Variants in SPSB4 observed in about 807,000 individuals in gnomAD.
SPSB4 encodes SPRY domain-containing SOCS box protein 4.
SPSB4 carries 21 observed loss-of-function variants against 20.9 expected under a neutral mutation model. The observed-to-expected ratio is 1.01, with a 90% CI of 0.71 to 1.45. The LOEUF (loss-of-function observed/expected upper bound fraction) is 1.45, where lower values mean the gene tolerates loss of function less well. Ranked by LOEUF, SPSB4 falls within the 40% of genes most tolerant of loss-of-function variation. SPSB4 has a pLI of 0.00. For missense variants in SPSB4, 399 were observed against 399.2 expected, an observed-to-expected ratio of 1.00 and a Z score of 0.00; for synonymous variants, 207 against 183.8, an observed-to-expected ratio of 1.13 and a Z score of -1.02.
At chr3:141,119,892 G>A (rs1054964228) in intron 2 of SPSB4, among the ~76,000 whole-genome samples, 3 of 151,822 alleles carry the variant, frequency 2.0e-5, no homozygotes, top group African/African-American at 4.8e-5. Context: ...TTTTTGAAGT[G>A]TTTTTTTGTG....
intron 2 of SPSB4, among the ~76,000 whole-genome samples, chr3:141,093,074 G>T (rs1267216399): frequency 2.0e-5 from 3 of 152,252 alleles, no homozygotes; most frequent in Non-Finnish European, 4.4e-5. Context: ...GAGACCGCAT[G>T]ACAGGAAAAG....
intron 2 of SPSB4, among the ~76,000 whole-genome samples, chr3:141,121,098 G>A (rs1336278186): frequency 1.3e-5 from 2 of 151,444 alleles, no homozygotes; most frequent in African/African-American, 4.9e-5. Context: ...CTCTTTTAGG[G>A]CAGGCCTGGT....
chr3:141,086,068 C>G (rs76248437), intron 2 of SPSB4, among the ~76,000 whole-genome samples: 1 of 152,198 alleles, frequency 6.6e-6, no homozygotes, highest in Non-Finnish European at 1.5e-5. Flanking sequence ...AATGTAGCTG[C>G]AGCCTCATCC....
intron 2 of SPSB4, among the ~76,000 whole-genome samples, chr3:141,135,864 G>A (rs1345406930): frequency 1.3e-5 from 2 of 152,238 alleles, no homozygotes; most frequent in South Asian, 4.1e-4. Flanking sequence ...ACCCAGTAAT[G>A]GGATGGCTGG....
intron 1 of SPSB4, among the ~76,000 whole-genome samples, chr3:141,054,655 T>C (rs1170702043): frequency 2.0e-5 from 3 of 152,240 alleles, no homozygotes; most frequent in Non-Finnish European, 2.9e-5. Context: ...GCTTCACACA[T>C]TGAGTTCAGA....
chr3:141,142,644 A>C (rs1939349423), intron 2 of SPSB4, among the ~76,000 whole-genome samples: 1 of 151,978 alleles, frequency 6.6e-6, no homozygotes, highest in South Asian at 2.1e-4. Context: ...GGAGCATTGA[A>C]GTCCCCCACT....
chr3:141,064,030 T>C (rs1031425059), intron 1 of SPSB4, among the ~76,000 whole-genome samples: 1 of 152,264 alleles, frequency 6.6e-6, no homozygotes, highest in African/African-American at 2.4e-5. Flanking sequence ...TGCCCTCCTC[T>C]TCCCCCAGGG....
At chr3:141,120,481 T>A (rs2107801112) in intron 2 of SPSB4, among the ~76,000 whole-genome samples, 1 of 152,316 alleles carries the variant, frequency 6.6e-6, no homozygotes, top group South Asian at 2.1e-4. Context: ...ACCTTCTGTC[T>A]TGCTGATCTG....
chr3:141,069,276 A>T (rs919907025), intron 2 of SPSB4, among the ~76,000 whole-genome samples: 1 of 152,176 alleles, frequency 6.6e-6, no homozygotes, highest in Admixed American at 6.5e-5. Flanking sequence ...AGAGTGGGCC[A>T]TAGGAGAAGC....
chr3:141,099,010 C>G (rs1386359861), intron 2 of SPSB4, among the ~76,000 whole-genome samples: 1 of 152,106 alleles, frequency 6.6e-6, no homozygotes, highest in Non-Finnish European at 1.5e-5. Flanking sequence ...TCAGGAGGCC[C>G]CTCCCAAGAT....
chr3:141,138,655 T>A (rs1939271287), intron 2 of SPSB4, among the ~76,000 whole-genome samples: 1 of 152,206 alleles, frequency 6.6e-6, no homozygotes. Context: ...TTGAGTGAGT[T>A]TCTTAATCCT....
chr3:141,079,331 C>T (rs1938181092), intron 2 of SPSB4, among the ~76,000 whole-genome samples: 4 of 150,660 alleles, frequency 2.7e-5, no homozygotes, highest in African/African-American at 7.3e-5. Flanking sequence ...GCCCATTTCC[C>T]ACAGCATCCC....
rs1454453923 is a variant in SPSB4 at position 141,070,006 on chromosome 3, A to G, written c.694+3208A>G. ...CGAACTCCTGGAGGTGTGATTTCCT[A>G]TTGCAAATGCATAACATTGTCAAAC... On this transcript the variant is annotated intron_variant, in intron 2 of 2. Coordinates refer to ENST00000310546, the MANE Select transcript of SPSB4 (RefSeq NM_080862.3). Among the ~76,000 whole-genome samples, 3 of 152,216 alleles carry G rather than the reference A, an allele frequency of 2.0e-5. No individual in the cohort carries two copies. The East Asian group carries it at 5.8e-4, about 29-fold the overall frequency.
rs183686915 is a variant in SPSB4 at position 141,056,690 on chromosome 3, T to C, written c.-154+4698T>C. 9.2e-5 allele frequency among the ~76,000 whole-genome samples: 14 copies of C among 152,386 alleles called. No homozygotes were observed. In the East Asian group the frequency reaches 2.3e-3, roughly 25 times the overall value. ...GTTTTCCCCAGAGGGCTTCATTAAA[T>C]GGTACCCTTCCCATCTTCTCCCTTC... is the stretch of plus-strand genomic sequence containing the variant. On this transcript the variant is annotated intron_variant, in intron 1 of 2. Transcript: ENST00000310546.
intron 2 of SPSB4, among the ~76,000 whole-genome samples, chr3:141,076,146 C>T (rs373041460): frequency 6.6e-6 from 1 of 152,264 alleles, no homozygotes; most frequent in South Asian, 2.1e-4. Flanking sequence ...AAATGGCCCA[C>T]TTCCCTGATT....
chr3:141,074,247 T>C (rs762904118), intron 2 of SPSB4, among the ~76,000 whole-genome samples: 7 of 152,194 alleles, frequency 4.6e-5, no homozygotes, highest in Non-Finnish European at 7.3e-5. Context: ...TTTTCTCATC[T>C]GAAAAACAAA....
At chr3:141,098,307 G>A (rs1029185613) in intron 2 of SPSB4, among the ~76,000 whole-genome samples, 1 of 152,090 alleles carries the variant, frequency 6.6e-6, no homozygotes, top group African/African-American at 2.4e-5. Flanking sequence ...ATTTTAGTAT[G>A]GTCCCCACAA....
At chr3:141,058,299 ATC>A (rs1937696085) in intron 1 of SPSB4, among the ~76,000 whole-genome samples, 1 of 152,234 alleles carries the variant, frequency 6.6e-6, no homozygotes, top group Admixed American at 6.5e-5. Context: ...GGGTAGGAAC[ATC>A]TGCTAGGGTC....
intron 2 of SPSB4, among the ~76,000 whole-genome samples, chr3:141,139,414 C>G (rs1368884059): frequency 2.0e-5 from 3 of 152,228 alleles, no homozygotes; most frequent in African/African-American, 7.2e-5. Context: ...TTAGTTGATG[C>G]ATTTTCTTCC....
Sources: gnomAD v4.1 joint callset for allele counts (sites outside exome capture counted in the v4.1 genomes callset) on GRCh38, gnomAD v4.1.1 for gene constraint, MANE v1.5 for transcripts, NCBI Gene and HGNC (gene_info 2026-07-23, HGNC 2026-07-21) for gene names.